Variants in GALNT16 observed in about 807,000 individuals in gnomAD.
GALNT16 encodes the protein UDP-GalNAc:polypeptide N-acetylgalactosaminyltransferase-like protein 1.
GALNT16 carries 40 observed loss-of-function variants against 76.1 expected under a neutral mutation model. The ratio of observed to expected loss-of-function variants is 0.53; its 90% CI spans 0.41 to 0.68. The LOEUF (loss-of-function observed/expected upper bound fraction) is 0.68, where lower values mean the gene tolerates loss of function less well. Ranked by LOEUF, GALNT16 falls within the 30% of genes least tolerant of loss-of-function variation. The pLI is 0.00. For synonymous variants in GALNT16, 276 were observed against 285.2 expected, an observed-to-expected ratio of 0.97 and a Z score of 0.32; for missense variants, 621 against 731.9, an observed-to-expected ratio of 0.85 and a Z score of 1.75.
intron 1 of GALNT16, among the ~76,000 whole-genome samples, chr14:69,263,277 CTAAG>C (rs2044300419): frequency 6.6e-6 from 1 of 152,174 alleles, no homozygotes; most frequent in Non-Finnish European, 1.5e-5. Flanking sequence ...ACTGTAACCT[CTAAG>C]TAAGGAGGTG....
chr14:69,286,544 T>A (rs1594822458), intron 1 of GALNT16, among the ~76,000 whole-genome samples: 1 of 152,322 alleles, frequency 6.6e-6, no homozygotes, highest in South Asian at 2.1e-4. Context: ...CCTCAGGCAA[T>A]CTGCCTGCCT....
intron 1 of GALNT16, among the ~76,000 whole-genome samples, chr14:69,276,130 G>C (rs991776879): frequency 6.6e-6 from 1 of 152,024 alleles, no homozygotes. Flanking sequence ...CCTCCCATTG[G>C]GTCCCTCCCA....
intron 1 of GALNT16, among the ~76,000 whole-genome samples, chr14:69,276,753 A>G (rs986780100): frequency 1.3e-5 from 2 of 152,076 alleles, no homozygotes. Context: ...TTCTGGTGGC[A>G]GTGCAAGTAA....
intron 1 of GALNT16, among the ~76,000 whole-genome samples, chr14:69,275,276 T>A (rs1156553762): frequency 6.6e-6 from 1 of 152,164 alleles, no homozygotes; most frequent in Non-Finnish European, 1.5e-5. Flanking sequence ...TTCTTGGTGT[T>A]ATTTATTATA....
In GALNT16 at chr14:69,354,302, GT is replaced by G. The variant is rs1165272431; in HGVS notation, c.*2135del. 2.6e-5 allele frequency: 4 copies of G among 152,792 alleles called. No individual in the cohort carries two copies. The highest frequency in any genetic ancestry group is 9.6e-5 in the African/African-American group (4 of 41,472). The allele number at this position is 152,792 out of a possible 1,614,324, so 9.5% of individuals were successfully genotyped here. A position where few individuals can be genotyped will look rare whatever the true frequency, so the allele number is the denominator to read the frequency against. On this transcript the variant is annotated 3_prime_UTR_variant, in exon 15 of 15. Transcript: ENST00000448469. ...CAAGAGGGTCTCTCTGTCCTTTGCT[GT>G]GGTCAGATCAGGCTCTGCACTTATC...
At chr14:69,343,994 A>C (rs1445073572) in intron 12 of GALNT16, among the ~76,000 whole-genome samples, 5 of 152,108 alleles carry the variant, frequency 3.3e-5, no homozygotes, top group Non-Finnish European at 7.3e-5. Flanking sequence ...TGTCTGGATT[A>C]CTCACCCCCA....
At chr14:69,260,849 TG>T (rs1298747699) in intron 1 of GALNT16, among the ~76,000 whole-genome samples, 7 of 150,844 alleles carry the variant, frequency 4.6e-5, no homozygotes, top group Non-Finnish European at 7.4e-5. Context: ...GAGCGGGCGG[TG>T]GGAACCACTC....
At chr14:69,342,512 GGAAGGGGAGA>G (rs2045505198) in intron 12 of GALNT16, among the ~76,000 whole-genome samples, 1 of 95,838 alleles carries the variant, frequency 1.0e-5, no homozygotes, top group Non-Finnish European at 2.5e-5. Flanking sequence ...GAGGGAGGAA[GGAAGGGGAGA>G]GGGAGAGGAA....
At chr14:69,275,855 T>C (rs553183702) in intron 1 of GALNT16, among the ~76,000 whole-genome samples, 1 of 152,200 alleles carries the variant, frequency 6.6e-6, no homozygotes, top group East Asian at 1.9e-4. Flanking sequence ...AAGTGAGACA[T>C]GTATTAGTCC....
chr14:69,339,817 T>C (rs996153615), intron 11 of GALNT16, among the ~76,000 whole-genome samples, 198 bp downstream of exon 11: 5 of 152,114 alleles, frequency 3.3e-5, no homozygotes, highest in Admixed American at 6.5e-5. Context: ...GAGCGTGAAA[T>C]CTCATGGGAG....
At chr14:69,381,221 A>T in the GALNT16 span, among the ~76,000 whole-genome samples, 1 of 152,214 alleles carries the variant, frequency 6.6e-6, no homozygotes, top group African/African-American at 2.4e-5. Context: ...GGATGCAGTG[A>T]GCCGAGATCG....
rs377320183 is a variant in GALNT16, at chr14:69,326,873, C to T, written c.568+846C>T. Among the ~76,000 whole-genome samples, 5 of 152,318 alleles carry T rather than the reference C, an allele frequency of 3.3e-5. No individual in the cohort carries two copies. In the East Asian group the frequency reaches 7.7e-4, roughly 24 times the overall value. On this transcript the variant is annotated intron_variant, in intron 5 of 14. Transcript: ENST00000448469. ...AGGGTGATGAATAGAGCAGCCATGG[C>T]TCCAACCTGTGGGGCCCAACCCAAA... is the stretch of plus-strand genomic sequence containing the variant.
intron 1 of GALNT16, among the ~76,000 whole-genome samples, chr14:69,271,258 G>A (rs949453586): frequency 3.9e-5 from 6 of 152,162 alleles, no homozygotes; most frequent in Admixed American, 1.3e-4. Flanking sequence ...GAACCACACC[G>A]GGGCCGGGGC....
At chr14:69,276,966 G>C (rs1276441414) in intron 1 of GALNT16, among the ~76,000 whole-genome samples, 3 of 152,050 alleles carry the variant, frequency 2.0e-5, no homozygotes, top group Non-Finnish European at 2.9e-5. Context: ...CTTGCCTGGA[G>C]GACAATCAAA....
At chr14:69,276,261 C>T (rs1566861041) in intron 1 of GALNT16, among the ~76,000 whole-genome samples, 1 of 152,138 alleles carries the variant, frequency 6.6e-6, no homozygotes, top group Non-Finnish European at 1.5e-5. Context: ...ATACACAGCG[C>T]ACTTATGACA....
intron 11 of GALNT16, among the ~76,000 whole-genome samples, chr14:69,341,082 T>A (rs1334170150): frequency 6.6e-6 from 1 of 152,210 alleles, no homozygotes; most frequent in East Asian, 1.9e-4. Context: ...TGCTAAGTGC[T>A]TCACACTTAA....
chr14:69,375,088 G>A, the GALNT16 span, among the ~76,000 whole-genome samples: 6 of 152,142 alleles, frequency 3.9e-5, no homozygotes, highest in Admixed American at 6.5e-5. Context: ...GCAGGTGCAC[G>A]TATTTTTAGG....
intron 1 of GALNT16, among the ~76,000 whole-genome samples, chr14:69,297,683 T>C (rs527386806): frequency 3.3e-5 from 5 of 151,124 alleles, no homozygotes; most frequent in African/African-American, 1.2e-4. Flanking sequence ...CTTAGAGATA[T>C]CCAGTTAACA....
chr14:69,383,653 A>G, the GALNT16 span, among the ~76,000 whole-genome samples: 1 of 152,248 alleles, frequency 6.6e-6, no homozygotes, highest in Non-Finnish European at 1.5e-5. Context: ...AAGCTATGAT[A>G]ATTTACGGTT....
Sources: gnomAD v4.1 joint callset for allele counts (sites outside exome capture counted in the v4.1 genomes callset) on GRCh38, gnomAD v4.1.1 for gene constraint, MANE v1.5 for transcripts, NCBI Gene and HGNC (gene_info 2026-07-23, HGNC 2026-07-21) for gene names.